SLC25A42: variants seen among roughly 807,000 people sequenced by gnomAD.
SLC25A42 encodes the protein solute carrier family 25 member 42.
In SLC25A42, 19 loss-of-function variants were observed where a neutral mutation model predicts 34.7. That is an observed-to-expected ratio of 0.55 (90% confidence interval 0.38 to 0.80). The LOEUF (loss-of-function observed/expected upper bound fraction) is 0.80, where lower values mean the gene tolerates loss of function less well. Ranked by LOEUF, SLC25A42 falls within the 30% of genes least tolerant of loss-of-function variation. The pLI is 0.00. For missense variants in SLC25A42, 364 were observed against 441.3 expected (o/e 0.82, Z 1.57); for synonymous variants, 205 against 191.2 (o/e 1.07, Z -0.59).
intron 2 of SLC25A42, among the ~76,000 whole-genome samples, chr19:19,096,510 T>G (rs1161164419): frequency 6.6e-6 from 1 of 152,008 alleles, no homozygotes; most frequent in Non-Finnish European, 1.5e-5. Context: ...GCCCCACTTG[T>G]GATGTGAATC....
In SLC25A42 at chr19:19,110,645, G is replaced by A. The variant is rs764050267; in HGVS notation, c.726G>A (p.Ser242=). The A allele has an allele frequency of 6.5e-7, 1 of 1,546,324 alleles. No individual in the cohort carries two copies. Among genetic ancestry groups the A allele is most frequent in the Non-Finnish European group, 8.7e-7 (1 of 1,146,976 alleles). Residue 242 remains serine, a synonymous_variant, in exon 8 of 8, where the codon TCG becomes TCA. Coordinates refer to ENST00000318596, the MANE Select transcript of SLC25A42 (RefSeq NM_178526.5). The part of the protein sequence containing the change: ...FGACAGLIGQ[S]ASYPLDVVRR... ...CCTGCGCTGGCCTCATCGGGCAGTC[G>A]GCCTCGTACCCGCTGGATGTGGTGC...
Position 19,110,741 on chromosome 19 carries a change from C to A in SLC25A42, c.822C>A (p.Ile274=). The part of the protein sequence containing the change: ...RASIARTLRT[I]VREEGAVRGL... ...CCATCGCCCGCACGCTGCGCACCAT[C>A]GTGCGGGAGGAGGGCGCCGTGCGCG... The change falls in exon 8 of 8, where the codon ATC becomes ATA. Residue 274 remains isoleucine, a synonymous_variant. Coordinates refer to ENST00000318596, the MANE Select transcript of SLC25A42 (RefSeq NM_178526.5). The A allele has an allele frequency of 6.2e-7, 1 of 1,612,000 alleles. No homozygotes were observed. Among genetic ancestry groups the A allele is most frequent in the Non-Finnish European group, 8.5e-7 (1 of 1,179,374 alleles).
intron 1 of SLC25A42, among the ~76,000 whole-genome samples, chr19:19,070,295 ATTT>A (rs11390931): frequency 1.9e-5 from 2 of 104,780 alleles, no homozygotes; most frequent in African/African-American, 7.5e-5. Context: ...CTGCCTGGCC[ATTT>A]TTTTTTTTTT....
intron 1 of SLC25A42, among the ~76,000 whole-genome samples, chr19:19,086,862 G>A (rs1178006522): frequency 2.0e-5 from 3 of 152,028 alleles, no homozygotes; most frequent in African/African-American, 7.2e-5. Context: ...GTTGGACAAT[G>A]TGATGTTCTG....
Position 19,107,991 on chromosome 19 carries a change from C to G in SLC25A42, c.595C>G (p.Pro199Ala), listed in dbSNP as rs140711318. 2.7e-5 allele frequency: 44 copies of G among 1,611,832 alleles called. No individual in the cohort carries two copies. The highest frequency in any genetic ancestry group is 5.0e-5 in the Admixed American group (3 of 59,786). The change falls in exon 7 of 8, where the codon CCC becomes GCC. Residue 199 changes from proline to alanine, a missense_variant. Pro to Ala is a conservative substitution (Grantham distance 27). Transcript: ENST00000318596. ...TATGCCCACCGTGCTGGGGGTCATT[C>G]CCTACGCTGGCCTGAGCTTCTTCAC... The part of the protein sequence containing the change: ...GFMPTVLGVI[P>A]YAGLSFFTYE...
intron 1 of SLC25A42, among the ~76,000 whole-genome samples, chr19:19,070,558 G>A (rs2059624921): frequency 6.6e-6 from 1 of 152,136 alleles, no homozygotes; most frequent in African/African-American, 2.4e-5. Context: ...GCCTCCCAAA[G>A]TGCTGGGATT....
intron 1 of SLC25A42, among the ~76,000 whole-genome samples, chr19:19,078,251 C>T (rs1262060196): frequency 2.6e-5 from 4 of 152,134 alleles, no homozygotes; most frequent in African/African-American, 4.8e-5. Flanking sequence ...CGGCATTGGG[C>T]GGTGGGGGTA....
In SLC25A42 at chr19:19,064,022, C is replaced by A. The variant is rs539145936; in HGVS notation, c.-128C>A. ...GCGGGGCCGTGGCGGCTGGAGGTAG[C>A]GGCGGCGGCGACGCGTCCGGGCCGG... On this transcript the variant is annotated 5_prime_UTR_variant, in exon 1 of 8. Transcript: ENST00000318596. 211 of 152,786 alleles carry A rather than the reference C, an allele frequency of 1.4e-3. 1 individual carries two copies. Among genetic ancestry groups the A allele is most frequent in the Non-Finnish European group, 2.1e-3 (141 of 68,358 alleles). 9.5% of individuals were successfully genotyped at this position (152,786 alleles called of 1,614,324 possible). A position where few individuals can be genotyped will look rare whatever the true frequency, so the allele number is the denominator to read the frequency against.
intron 3 of SLC25A42, 56 bp from the exon 4 acceptor site, chr19:19,104,857 G>T (rs567564496): frequency 1.2e-6 from 2 of 1,609,142 alleles, no homozygotes; most frequent in Non-Finnish European, 1.7e-6. Flanking sequence ...GGGCCACGCA[G>T]ATGGGAGGTT....
Position 19,109,834 on chromosome 19 carries a change from C to T in SLC25A42, c.650-735C>T, listed in dbSNP as rs1233090178. 1.3e-5 allele frequency among the ~76,000 whole-genome samples: 2 copies of T among 152,192 alleles called. No individual in the cohort carries two copies. The highest frequency in any genetic ancestry group is 2.9e-5 in the Non-Finnish European group (2 of 68,052). ...CTTCCTCCTCCACACCCACACACCCCGTTTAGACCCGCAAGACAGAGCAGG... is the reference window on the plus strand; with the variant it reads ...CTTCCTCCTCCACACCCACACACCCTGTTTAGACCCGCAAGACAGAGCAGG... On this transcript the variant is annotated intron_variant, in intron 7 of 7. Transcript: ENST00000318596. The surrounding 1 kb of genome is among the most constrained non-coding windows in gnomAD (Gnocchi z 4.1).
rs2059854090 is a variant in SLC25A42 at position 19,109,979 on chromosome 19, G to A, written c.650-590G>A. Among the ~76,000 whole-genome samples the A allele has an allele frequency of 6.6e-6, 1 of 152,156 alleles. No homozygotes were observed. Among genetic ancestry groups the A allele is most frequent in the Non-Finnish European group, 1.5e-5 (1 of 68,030 alleles). Reference sequence around the variant, plus strand: ...AGAATGTTCCTTTACTAGACGTGGAGTAGAGCTGATTAGATGTGAGCAGTG... The same window carrying A: ...AGAATGTTCCTTTACTAGACGTGGAATAGAGCTGATTAGATGTGAGCAGTG... On this transcript the variant is annotated intron_variant, in intron 7 of 7. Transcript: ENST00000318596. The surrounding 1 kb of genome is among the most constrained non-coding windows in gnomAD (Gnocchi z 4.1).
Position 19,096,619 on chromosome 19 carries a change from C to T in SLC25A42, c.81+414C>T, listed in dbSNP as rs1893857980. Among the ~76,000 whole-genome samples the T allele has an allele frequency of 2.0e-5, 3 of 152,080 alleles. No individual in the cohort carries two copies. The South Asian group carries it at 6.2e-4, about 32-fold the overall frequency. On this transcript the variant is annotated intron_variant, in intron 2 of 7. Coordinates refer to ENST00000318596, the MANE Select transcript of SLC25A42 (RefSeq NM_178526.5). ...CAGACATGTCTTGGAGCCCCCTTTTCTCCCTCAGATTTTGGAACACTAAGG... is the reference window on the plus strand; with the variant it reads ...CAGACATGTCTTGGAGCCCCCTTTTTTCCCTCAGATTTTGGAACACTAAGG...
chr19:19,104,520 G>A (rs1016158225), intron 3 of SLC25A42, among the ~76,000 whole-genome samples: 1 of 152,200 alleles, frequency 6.6e-6, no homozygotes, highest in African/African-American at 2.4e-5. Context: ...GCAGGATAGC[G>A]GTGCCTGTGC....
chr19:19,086,888 T>C (rs1821111045), intron 1 of SLC25A42, among the ~76,000 whole-genome samples: 1 of 152,144 alleles, frequency 6.6e-6, no homozygotes, highest in Non-Finnish European at 1.5e-5. Flanking sequence ...TTTACTTTGA[T>C]ATACATATAT....
At chr19:19,107,825 A>G in intron 6 of SLC25A42, 69 bp from the exon 7 acceptor site, 8 of 1,568,114 alleles carry the variant, frequency 5.1e-6, no homozygotes, top group Non-Finnish European at 7.0e-6. Context: ...AGGAGCCGAG[A>G]GCCTCTGTGG....
At chr19:19,096,301 C>T (rs912692334) in intron 2 of SLC25A42, 96 bp downstream of exon 2, 3 of 886,436 alleles carry the variant, frequency 3.4e-6, no homozygotes, top group African/African-American at 1.7e-5. Flanking sequence ...CCAGCCTCTG[C>T]ACCCCCTCCA....
Position 19,109,615 on chromosome 19 carries a change from TAG to T in SLC25A42, c.650-950_650-949del, listed in dbSNP as rs1328679073. 1.3e-5 allele frequency among the ~76,000 whole-genome samples: 2 copies of T among 152,164 alleles called. No homozygotes were observed. The highest frequency in any genetic ancestry group is 2.9e-5 in the Non-Finnish European group (2 of 68,028). On this transcript the variant is annotated intron_variant, in intron 7 of 7. Coordinates refer to ENST00000318596, the MANE Select transcript of SLC25A42 (RefSeq NM_178526.5). This position sits in a 1 kb window ranked among gnomAD's most constrained non-coding sequence, Gnocchi z 4.1. ...CTGGCTAATTTTTGTGTGTTTTTGG[TAG>T]AGACAGGGTTTCTCCATGTTGGCCA... is the stretch of plus-strand genomic sequence containing the variant.
chr19:19,103,039 G>A (rs922733100), intron 3 of SLC25A42, among the ~76,000 whole-genome samples: 3 of 151,926 alleles, frequency 2.0e-5, no homozygotes, highest in African/African-American at 7.3e-5. Flanking sequence ...GTCATCACGT[G>A]GCCTTCTCCC....
intron 3 of SLC25A42, among the ~76,000 whole-genome samples, chr19:19,103,155 G>A (rs888725060): frequency 2.0e-5 from 3 of 152,172 alleles, no homozygotes; most frequent in African/African-American, 4.8e-5. Context: ...GTTCAGTGGT[G>A]TGATCTTGGC....
Sources: allele counts gnomAD v4.1 joint callset (sites outside exome capture counted in the v4.1 genomes callset), GRCh38; gene constraint gnomAD v4.1.1; non-coding constraint Gnocchi (gnomAD v3.1); transcripts MANE v1.5; gene names NCBI Gene and HGNC (gene_info 2026-07-23, HGNC 2026-07-21).